Variants in BCL7C observed in about 807,000 individuals in gnomAD.
BCL7C encodes BAF chromatin remodeling complex subunit BCL7C.
Under a neutral mutation model 26.2 loss-of-function variants are expected in BCL7C, and 8 were observed. The observed-to-expected ratio is 0.30, with a 90% CI of 0.18 to 0.55. BCL7C has a LOEUF of 0.55. BCL7C is among the 20% of genes least tolerant of loss of function. BCL7C has a pLI of 0.93. For synonymous variants in BCL7C, 90 were observed against 116.5 expected (o/e 0.77, Z 1.47); for missense variants, 262 against 298.5 (o/e 0.88, Z 0.90).
intron 5 of BCL7C, among the ~76,000 whole-genome samples, chr16:30,849,580 T>C (rs900017034): frequency 6.6e-6 from 1 of 151,998 alleles, no homozygotes; most frequent in Non-Finnish European, 1.5e-5. Flanking sequence ...GCCTCTCAAG[T>C]AGCTGGGATT....
intron 5 of BCL7C, among the ~76,000 whole-genome samples, chr16:30,868,976 C>T (rs1335641936): frequency 6.6e-6 from 1 of 151,854 alleles, no homozygotes; most frequent in Non-Finnish European, 1.5e-5. Flanking sequence ...AACTCCTGAC[C>T]TCAAATGATC....
Position 30,887,856 on chromosome 16 carries a change from G to A in BCL7C, c.*9C>T. On this transcript the variant is annotated 3_prime_UTR_variant, in exon 6 of 6. Transcript: ENST00000215115. ...GCCCCTGGGGCAACAGGACAGGCAG[G>A]CCGGCTTCTCAGGGGTCAGGGGCAT... 6.4e-7 allele frequency: 1 copy of A among 1,567,422 alleles called. No homozygotes were observed. The highest frequency in any genetic ancestry group is 8.6e-7 in the Non-Finnish European group (1 of 1,161,950).
Position 30,893,247 on chromosome 16 carries a change from A to G in BCL7C, c.136T>C (p.Phe46Leu), listed in dbSNP as rs1031289499. 5.0e-6 allele frequency: 8 copies of G among 1,613,524 alleles called. No individual in the cohort carries two copies. Among genetic ancestry groups the G allele is most frequent in the African/African-American group, 1.3e-5 (1 of 74,880 alleles). Residue 46 changes from phenylalanine (F) to leucine (L), a missense_variant, in exon 2 of 6, where the codon TTC (phenylalanine) becomes CTC (leucine). Physicochemically the swap from Phe to Leu is conservative, Grantham distance 22. Coordinates refer to ENST00000215115, the MANE Select transcript of BCL7C (RefSeq NM_004765.4). The surrounding 1 kb of genome is among the most constrained non-coding windows in gnomAD (Gnocchi z 5.2). Reference protein sequence around the residue: ...VTVGDTSLRIFKWVPVVDPQE... With the variant: ...VTVGDTSLRILKWVPVVDPQE... ...GGATCCACCACTGGCACCCACTTGA[A>G]GATACGAAGGGAAGTGTCGCCCACA... is the stretch of plus-strand genomic sequence containing the variant.
intron 5 of BCL7C, among the ~76,000 whole-genome samples, chr16:30,844,561 G>A (rs1313556099): frequency 6.6e-6 from 1 of 152,068 alleles, no homozygotes; most frequent in Non-Finnish European, 1.5e-5. Flanking sequence ...GCATGTGATA[G>A]GTGTCATCAC....
chr16:30,842,027 C>T (rs1488972865), intron 5 of BCL7C, among the ~76,000 whole-genome samples: 1 of 151,344 alleles, frequency 6.6e-6, no homozygotes, highest in Non-Finnish European at 1.5e-5. Context: ...ACCCCTTCTT[C>T]CAAATATACT....
chr16:30,859,441 G>T (rs2054751140), intron 5 of BCL7C, among the ~76,000 whole-genome samples: 1 of 152,144 alleles, frequency 6.6e-6, no homozygotes, highest in East Asian at 1.9e-4. Context: ...AACATAGCAA[G>T]ACCCTGTCTC....
chr16:30,843,996 C>T (rs909814877), intron 5 of BCL7C, among the ~76,000 whole-genome samples: 31 of 140,524 alleles, frequency 2.2e-4, no homozygotes, highest in African/African-American at 8.3e-4. Flanking sequence ...GAGCTGAGAT[C>T]GCACCATTGC....
At position 30,848,957 on chromosome 16, in the gene BCL7C, G is replaced by A. The variant is rs1025880459; in HGVS notation, c.529-13809C>T. Among the ~76,000 whole-genome samples the A allele has an allele frequency of 5.3e-5, 8 of 151,364 alleles. No homozygotes were observed. The South Asian group carries it at 6.2e-4, about 12-fold the overall frequency. ...AATCCCAGCACTTTGAGAGGCCGAG[G>A]CGGGTGGATCACGAGGTCAAGAGAT... is the stretch of plus-strand genomic sequence containing the variant. On this transcript the variant is annotated intron_variant, in intron 5 of 5. Transcript: ENST00000380317.
intron 5 of BCL7C, among the ~76,000 whole-genome samples, chr16:30,861,375 CCTGAA>C (rs1476269103): frequency 1.9e-4 from 29 of 152,188 alleles, no homozygotes; most frequent in Admixed American, 5.2e-4. Context: ...CTTCCAAACG[CCTGAA>C]CTGCTGCAGC....
In BCL7C at chr16:30,887,926, G is replaced by C. The variant is rs575679618; in HGVS notation, c.593C>G (p.Thr198Arg). The C allele has an allele frequency of 1.9e-6, 3 of 1,606,104 alleles. No homozygotes were observed. Among genetic ancestry groups the C allele is most frequent in the South Asian group, 1.1e-5 (1 of 89,708 alleles). Reference protein sequence around the residue: ...PPVPEAAQGDTEDSEGAPPLK... With the variant: ...PPVPEAAQGDREDSEGAPPLK... ...TGGGGGGGCACCCTCCGAGTCCTCT[G>C]TGTCACCCTGGGCTGCCTCAGGGAC... The change falls in exon 6 of 6, where the codon ACA becomes AGA. Residue 198 changes from threonine (T) to arginine (R), a missense_variant. By Grantham distance (71) the Thr-to-Arg change is moderately conservative (BLOSUM62 -1). Coordinates refer to ENST00000215115, the MANE Select transcript of BCL7C (RefSeq NM_004765.4).
chr16:30,850,193 G>A (rs1356466553), intron 5 of BCL7C, among the ~76,000 whole-genome samples: 1 of 135,828 alleles, frequency 7.4e-6, no homozygotes, highest in African/African-American at 2.9e-5. Flanking sequence ...CTGGGTGACT[G>A]AGCGAGACTC....
intron 4 of BCL7C, among the ~76,000 whole-genome samples, chr16:30,890,716 T>C (rs2055213696): frequency 6.6e-6 from 1 of 151,866 alleles, no homozygotes; most frequent in African/African-American, 2.4e-5. Context: ...CCAGGCACGG[T>C]GGCTCACGCC....
intron 5 of BCL7C, among the ~76,000 whole-genome samples, chr16:30,873,952 T>TACACACAC (rs1349262274): frequency 1.4e-4 from 1 of 7,324 alleles, no homozygotes; most frequent in Admixed American, 2.7e-3. Flanking sequence ...TAGATATATG[T>TACACACAC]ATACACACAC....
intron 5 of BCL7C, among the ~76,000 whole-genome samples, chr16:30,839,966 T>A (rs1315647764): frequency 6.6e-6 from 1 of 152,178 alleles, no homozygotes; most frequent in Non-Finnish European, 1.5e-5. Context: ...CTGTCAGCTG[T>A]CTTGCATTAT....
downstream of BCL7C, among the ~76,000 whole-genome samples, chr16:30,882,871 C>G (rs965113304): frequency 6.6e-6 from 1 of 152,200 alleles, no homozygotes; most frequent in Non-Finnish European, 1.5e-5. Flanking sequence ...AGAGACCTAA[C>G]AGGACGTGGT....
rs760033767 is a variant in BCL7C at position 30,887,984 on chromosome 16, C to T, written c.535G>A (p.Glu179Lys). Residue 179 changes from glutamate (E) to lysine (K), a missense_variant, in exon 6 of 6, where the codon GAA becomes AAA. By Grantham distance (56) the Glu-to-Lys change is moderately conservative. Coordinates refer to ENST00000215115, the MANE Select transcript of BCL7C (RefSeq NM_004765.4). The part of the protein sequence containing the change: ...VPELLEAEAP[E>K]AYPVFEPVPP... ...ACTGGCTCAAAGACAGGGTAAGCTT[C>T]GGGGGCCTGGAGAGGAAGGGTGGAC... 39 of 1,605,142 alleles carry T rather than the reference C, an allele frequency of 2.4e-5. 1 individual carries two copies. The South Asian group carries it at 3.3e-4, about 14-fold the overall frequency.
intron 5 of BCL7C, among the ~76,000 whole-genome samples, chr16:30,849,771 T>C (rs1039957927): frequency 6.6e-6 from 1 of 151,848 alleles, no homozygotes; most frequent in Non-Finnish European, 1.5e-5. Context: ...TTTTTTTTTT[T>C]TTTGGAGTCA....
intron 5 of BCL7C, among the ~76,000 whole-genome samples, chr16:30,839,300 G>A (rs917788803): frequency 8.5e-5 from 13 of 152,166 alleles, no homozygotes; most frequent in African/African-American, 3.1e-4. Context: ...CAAACCTGTG[G>A]CAGAGAGGAA....
chr16:30,856,436 G>A (rs561131511), intron 5 of BCL7C, among the ~76,000 whole-genome samples: 13 of 80,530 alleles, frequency 1.6e-4, no homozygotes, highest in African/African-American at 3.7e-4. Flanking sequence ...GTGAGACTCC[G>A]TCTAAAAAAA....
Sources: gnomAD v4.1 joint callset for allele counts (sites outside exome capture counted in the v4.1 genomes callset) on GRCh38, gnomAD v4.1.1 for gene constraint, Gnocchi (gnomAD v3.1) non-coding constraint, MANE v1.5 for transcripts, NCBI Gene and HGNC (gene_info 2026-07-23, HGNC 2026-07-21) for gene names.